The following MTRES1 variants were observed in gnomAD, a reference collection of about 807,000 sequenced individuals.
MTRES1 encodes uncharacterized protein C6orf203.
A neutral mutation model predicts 17.4 loss-of-function variants in MTRES1; 11 were observed. The observed-to-expected ratio is 0.63, with a 90% CI of 0.40 to 1.05. The LOEUF (loss-of-function observed/expected upper bound fraction) is 1.05, where lower values mean the gene tolerates loss of function less well. Ranked by LOEUF, MTRES1 falls within the 50% of genes least tolerant of loss-of-function variation. MTRES1 has a pLI of 0.00. For synonymous variants in MTRES1, 94 were observed against 99.6 expected (o/e 0.94, Z 0.34); for missense variants, 268 against 276.2 (o/e 0.97, Z 0.21).
At chr6:107,050,111 GC>G (rs1554228980) in intron 3 of MTRES1, among the ~76,000 whole-genome samples, 1 of 152,190 alleles carries the variant, frequency 6.6e-6, no homozygotes, top group East Asian at 1.9e-4. Context: ...CATACCTTCA[GC>G]ACAGACCAGT....
chr6:107,050,616 G>T, intron 3 of MTRES1, among the ~76,000 whole-genome samples: 1 of 135,568 alleles, frequency 7.4e-6, no homozygotes, highest in Non-Finnish European at 1.5e-5. Context: ...TCCCTCTGTC[G>T]CCCGGGCTGG....
chr6:107,030,251 C>CTT, intron 1 of MTRES1: 1 of 685,806 alleles, frequency 1.5e-6, no homozygotes, highest in Non-Finnish European at 2.7e-6. Context: ...AGAGACTTTG[C>CTT]TGTTCTCTGA....
Position 107,047,255 on chromosome 6 carries a change from C to G in MTRES1, c.543+2923C>G, listed in dbSNP as rs527453739. On this transcript the variant is annotated intron_variant, in intron 3 of 3. Coordinates refer to ENST00000311381, the MANE Select transcript of MTRES1 (RefSeq NM_016487.5). ...ATTTTATTTTGGAGACAGTGTCTTG[C>G]TCGGTTACCCAGGCTGGAGTGCGGT... 4.0e-5 allele frequency among the ~76,000 whole-genome samples: 6 copies of G among 151,628 alleles called. No homozygotes were observed. In the South Asian group the frequency reaches 1.3e-3, roughly 32 times the overall value.
At chr6:107,030,236 A>G (rs1773791264) in intron 1 of MTRES1, 1 of 699,880 alleles carries the variant, frequency 1.4e-6, no homozygotes, top group Admixed American at 2.2e-5. Flanking sequence ...CCTTTAGACC[A>G]TCGTAGAGAC....
intron 2 of MTRES1, among the ~76,000 whole-genome samples, chr6:107,041,463 A>G (rs997347978): frequency 3.3e-5 from 5 of 152,186 alleles, no homozygotes; most frequent in South Asian, 2.1e-4. Context: ...TATGTTGGCT[A>G]TTTTGAAGAA....
intron 1 of MTRES1, chr6:107,029,929 T>A (rs1773778899): frequency 1.6e-6 from 1 of 629,262 alleles, no homozygotes; most frequent in South Asian, 1.9e-5. Flanking sequence ...CAATCCCCCT[T>A]ACCCTGCTCC....
Position 107,028,288 on chromosome 6 carries a change from T to TGGCGC in MTRES1, c.-13+19_-13+23dup, listed in dbSNP as rs1773703510. The TGGCGC allele has an allele frequency of 6.6e-6, 1 of 152,208 alleles. No individual in the cohort carries two copies. The highest frequency in any genetic ancestry group is 1.5e-5 in the Non-Finnish European group (1 of 68,168). The allele number at this position is 152,208 out of a possible 1,614,324, so 9.4% of individuals were successfully genotyped here. A position where few individuals can be genotyped will look rare whatever the true frequency, so the allele number is the denominator to read the frequency against. On this transcript the variant is annotated intron_variant, in intron 1 of 3. Transcript: ENST00000311381. ...GACGTACAGGTGAGTGCGCCTCTGC[T>TGGCGC]GGCGCGCCGCGCCGGGCCCCCTGCC...
chr6:107,036,844 C>T (rs1178356959), intron 1 of MTRES1, among the ~76,000 whole-genome samples: 74 of 91,574 alleles, frequency 8.1e-4, no homozygotes, highest in African/African-American at 3.3e-3. Context: ...AGTGAGACTC[C>T]GTCTCAAAAA....
At chr6:107,044,457 C>T in intron 3 of MTRES1, 125 bp downstream of exon 3, 1 of 715,762 alleles carries the variant, frequency 1.4e-6, no homozygotes, top group Non-Finnish European at 2.5e-6. Context: ...TTGTGGTCCT[C>T]CACGTCAAGC....
chr6:107,036,056 C>T (rs1773996686), intron 1 of MTRES1, among the ~76,000 whole-genome samples: 1 of 151,886 alleles, frequency 6.6e-6, no homozygotes. Flanking sequence ...TATACTCAAC[C>T]TTTCCTAGTT....
chr6:107,034,459 GAA>G (rs199941602), intron 1 of MTRES1, among the ~76,000 whole-genome samples: 1 of 20,856 alleles, frequency 4.8e-5, no homozygotes, highest in East Asian at 2.4e-3. Flanking sequence ...TTTTATTCCA[GAA>G]AAAAAAAAGG....
At chr6:107,029,660 T>C (rs1026459605) in intron 1 of MTRES1, among the ~76,000 whole-genome samples, 2 of 151,830 alleles carry the variant, frequency 1.3e-5, no homozygotes, top group Non-Finnish European at 2.9e-5. Flanking sequence ...ATTTTTGTAT[T>C]TTTAGTAGAG....
intron 1 of MTRES1, among the ~76,000 whole-genome samples, chr6:107,033,295 G>A (rs1554226630): frequency 2.6e-5 from 4 of 152,074 alleles, no homozygotes; most frequent in African/African-American, 9.7e-5. Context: ...GGGCATGTGG[G>A]GCATGGCTTG....
chr6:107,029,849 T>C (rs1773774953), intron 1 of MTRES1, among the ~76,000 whole-genome samples: 1 of 151,938 alleles, frequency 6.6e-6, no homozygotes, highest in African/African-American at 2.4e-5. Context: ...CAAGCGAGTC[T>C]CCTGCCTTGG....
In MTRES1 at chr6:107,051,087, A is replaced by G. The variant is rs1774588544; in HGVS notation, c.574A>G (p.Ile192Val). The change falls in exon 4 of 4, where the codon ATT becomes GTT. Residue 192 changes from isoleucine (I) to valine (V), a missense_variant. Transcript: ENST00000311381. ...AGTGGGAGATACATTGGATCTTCTCATTGGAGAGGATAAAGAAGCAGGAAC... is the reference window on the plus strand; with the variant it reads ...AGTGGGAGATACATTGGATCTTCTCGTTGGAGAGGATAAAGAAGCAGGAAC... ...VKVGDTLDLL[I>V]GEDKEAGTET... 1.9e-6 allele frequency: 3 copies of G among 1,613,240 alleles called. No individual in the cohort carries two copies. Among genetic ancestry groups the G allele is most frequent in the East Asian group, 2.2e-5 (1 of 44,878 alleles).
chr6:107,036,317 A>G (rs1554226928), intron 1 of MTRES1, among the ~76,000 whole-genome samples: 3 of 151,270 alleles, frequency 2.0e-5, no homozygotes, highest in Non-Finnish European at 1.5e-5. Context: ...GCTGAGGCGG[A>G]CAGATCACCT....
intron 3 of MTRES1, among the ~76,000 whole-genome samples, chr6:107,050,462 G>A (rs1774553799): frequency 1.3e-5 from 2 of 151,740 alleles, no homozygotes; most frequent in South Asian, 4.2e-4. Context: ...ACTCTGCGCA[G>A]GGACTATCCA....
At chr6:107,030,678 G>A (rs543296959) in intron 1 of MTRES1, among the ~76,000 whole-genome samples, 1 of 152,058 alleles carries the variant, frequency 6.6e-6, no homozygotes, top group Non-Finnish European at 1.5e-5. Flanking sequence ...AATTTCCGCC[G>A]CCCAGAAAAA....
chr6:107,043,422 C>T (rs1293390312), intron 2 of MTRES1, among the ~76,000 whole-genome samples: 2 of 152,000 alleles, frequency 1.3e-5, no homozygotes, highest in Non-Finnish European at 2.9e-5. Flanking sequence ...GGTGCCAACC[C>T]CCATGCAGTT....
Sources: allele counts gnomAD v4.1 joint callset (sites outside exome capture counted in the v4.1 genomes callset), GRCh38; gene constraint gnomAD v4.1.1; transcripts MANE v1.5; gene names NCBI Gene and HGNC (gene_info 2026-07-23, HGNC 2026-07-21).